The following PKHD1 variants were observed in gnomAD, a reference collection of about 807,000 sequenced individuals.
The protein encoded by PKHD1 is fibrocystin.
A neutral mutation model predicts 412.0 loss-of-function variants in PKHD1; 291 were observed. The observed-to-expected ratio is 0.71, with a 90% CI of 0.64 to 0.78. The LOEUF (loss-of-function observed/expected upper bound fraction) is 0.78, where lower values mean the gene tolerates loss of function less well. Ranked by LOEUF, PKHD1 falls within the 30% of genes least tolerant of loss-of-function variation. The pLI is 0.00. For synonymous variants in PKHD1, 1,777 were observed against 1,821.5 expected, an observed-to-expected ratio of 0.98 and a Z score of 0.62; for missense variants, 4,825 against 4,950.7, an observed-to-expected ratio of 0.97 and a Z score of 0.76.
At chr6:52,001,596 A>AT (rs1034875679) in intron 35 of PKHD1, among the ~76,000 whole-genome samples, 4 of 151,632 alleles carry the variant, frequency 2.6e-5, no homozygotes, top group African/African-American at 9.7e-5. Context: ...CACCCGGCTA[A>AT]TTTTTTTTGT....
At chr6:51,962,824 T>C (rs1315689183) in intron 35 of PKHD1, among the ~76,000 whole-genome samples, 1 of 152,060 alleles carries the variant, frequency 6.6e-6, no homozygotes, top group Non-Finnish European at 1.5e-5. Flanking sequence ...CAATCATTCC[T>C]TCATTCCTTC....
intron 37 of PKHD1, among the ~76,000 whole-genome samples, chr6:51,929,666 G>A (rs1407060): frequency 0.38 from 57,889 of 151,714 alleles, 11,791 homozygotes; most frequent in East Asian, 0.76. Flanking sequence ...TAGCAACCAT[G>A]GAATTTACAT....
intron 60 of PKHD1, among the ~76,000 whole-genome samples, chr6:51,723,530 G>A (rs1782191048): frequency 6.6e-6 from 1 of 152,166 alleles, no homozygotes; most frequent in Non-Finnish European, 1.5e-5. Context: ...GGTAAGTAAA[G>A]TAATTTTAAG....
intron 52 of PKHD1, among the ~76,000 whole-genome samples, chr6:51,830,458 C>T (rs991787233): frequency 6.6e-6 from 1 of 152,130 alleles, no homozygotes; most frequent in African/African-American, 2.4e-5. Flanking sequence ...TTCCTCAGTC[C>T]TGTATTTCAA....
intron 51 of PKHD1, among the ~76,000 whole-genome samples, chr6:51,834,779 T>C (rs1352338416): frequency 6.6e-6 from 1 of 152,180 alleles, no homozygotes; most frequent in East Asian, 1.9e-4. Flanking sequence ...TAGTTTTCTG[T>C]TCCCAACTAT....
At chr6:51,680,190 C>G (rs1776453723) in intron 60 of PKHD1, among the ~76,000 whole-genome samples, 1 of 151,910 alleles carries the variant, frequency 6.6e-6, no homozygotes, top group Non-Finnish European at 1.5e-5. Context: ...TCTAGCAGTA[C>G]TAGAAATTTT....
intron 66 of PKHD1, among the ~76,000 whole-genome samples, chr6:51,626,209 C>A (rs1287557039): frequency 6.6e-6 from 1 of 152,090 alleles, no homozygotes; most frequent in Non-Finnish European, 1.5e-5. Flanking sequence ...TGCTTAAACA[C>A]GCATTCAGAA....
At chr6:51,726,327 G>A (rs1196677029) in intron 60 of PKHD1, among the ~76,000 whole-genome samples, 1 of 152,184 alleles carries the variant, frequency 6.6e-6, no homozygotes, top group Non-Finnish European at 1.5e-5. Flanking sequence ...ACATCAAAGA[G>A]AGTTTATTGT....
At chr6:51,691,322 T>C (rs1198617420) in intron 60 of PKHD1, among the ~76,000 whole-genome samples, 1 of 152,194 alleles carries the variant, frequency 6.6e-6, no homozygotes, top group African/African-American at 2.4e-5. Flanking sequence ...CCCAAAGGAA[T>C]ATAAATCATT....
chr6:51,891,880 G>C (rs1779180157), intron 43 of PKHD1, among the ~76,000 whole-genome samples: 1 of 152,126 alleles, frequency 6.6e-6, no homozygotes, highest in Non-Finnish European at 1.5e-5. Flanking sequence ...CAGTTTTGGG[G>C]GAAGTGTGAG....
At chr6:51,900,760 A>C (rs376592810) in intron 43 of PKHD1, among the ~76,000 whole-genome samples, 1 of 151,622 alleles carries the variant, frequency 6.6e-6, no homozygotes, top group Non-Finnish European at 1.5e-5. Flanking sequence ...GAAAATTTTC[A>C]CAACCTACTC....
At chr6:51,643,338 T>G (rs371757474) in intron 63 of PKHD1, among the ~76,000 whole-genome samples, 104 of 152,188 alleles carry the variant, frequency 6.8e-4, no homozygotes, top group African/African-American at 2.2e-3. Flanking sequence ...TTTGTCCTCA[T>G]TCCTTGGGAT....
rs372870399 is a variant in PKHD1 at position 51,912,411 on chromosome 6, A to G, written c.6287T>C (p.Val2096Ala). ...GAKPMEEIVTVETVQDTDLYL... is the reference protein window; with the variant it reads ...GAKPMEEIVTAETVQDTDLYL... Reference sequence around the variant, plus strand: ...GAGGTCTGTATCCTGCACAGTTTCCACAGTGACAATCTCTTCCATCGGTTT... The same window carrying G: ...GAGGTCTGTATCCTGCACAGTTTCCGCAGTGACAATCTCTTCCATCGGTTT... Residue 2096 changes from valine to alanine, a missense_variant, in exon 38 of 67, where the codon GTG becomes GCG. By Grantham distance (64) the Val-to-Ala change is moderately conservative (BLOSUM62 0). Transcript: ENST00000371117. 6.2e-7 allele frequency: 1 copy of G among 1,613,064 alleles called. No homozygotes were observed. The highest frequency in any genetic ancestry group is 1.3e-5 in the African/African-American group (1 of 74,838).
chr6:51,740,487 G>C (rs1220325220), intron 60 of PKHD1, among the ~76,000 whole-genome samples: 3 of 152,202 alleles, frequency 2.0e-5, no homozygotes, highest in African/African-American at 7.2e-5. Context: ...ATAAGGGTCT[G>C]TTAAACTCAA....
rs772835579 is a variant in PKHD1, at chr6:51,912,511, C to T, written c.6187G>A (p.Ala2063Thr). 8 of 1,613,228 alleles carry T rather than the reference C, an allele frequency of 5.0e-6. No individual in the cohort carries two copies. The Admixed American group carries it at 1.2e-4, about 24-fold the overall frequency. Residue 2063 changes from alanine to threonine, a missense_variant, in exon 38 of 67, where the codon GCT becomes ACT. Transcript: ENST00000371117. ...TTCCAGTCCACAGCATCTTCTAAAGCCAGCACTGTGTCTAGGGCATGGGCA... is the reference window on the plus strand; with the variant it reads ...TTCCAGTCCACAGCATCTTCTAAAGTCAGCACTGTGTCTAGGGCATGGGCA... The part of the protein sequence containing the change: ...ATAHALDTVL[A>T]LEDAVDWNPG...
chr6:51,852,946 G>C (rs765450329), intron 49 of PKHD1, among the ~76,000 whole-genome samples: 10 of 152,046 alleles, frequency 6.6e-5, no homozygotes, highest in African/African-American at 1.7e-4. Context: ...ATTTGATCCT[G>C]TCATCTTGAT....
At chr6:51,987,316 C>T (rs987700375) in intron 35 of PKHD1, among the ~76,000 whole-genome samples, 1 of 152,130 alleles carries the variant, frequency 6.6e-6, no homozygotes, top group African/African-American at 2.4e-5. Flanking sequence ...ATAATAATAA[C>T]AAGAATAATA....
At chr6:51,661,170 T>C (rs1270572464) in intron 60 of PKHD1, among the ~76,000 whole-genome samples, 1 of 152,096 alleles carries the variant, frequency 6.6e-6, no homozygotes, top group Non-Finnish European at 1.5e-5. Flanking sequence ...AAAGATCAAA[T>C]ATTCGAACAA....
chr6:51,880,965 C>CAA (rs1242623170), intron 46 of PKHD1, among the ~76,000 whole-genome samples: 1 of 84,162 alleles, frequency 1.2e-5, no homozygotes, highest in Admixed American at 1.3e-4. Context: ...GACTCCGTCT[C>CAA]AAAAAAAAAA....
Sources: allele counts gnomAD v4.1 joint callset (sites outside exome capture counted in the v4.1 genomes callset), GRCh38; gene constraint gnomAD v4.1.1; transcripts MANE v1.5; gene names NCBI Gene and HGNC (gene_info 2026-07-23, HGNC 2026-07-21).